Variants in ZHX2 observed in about 807,000 individuals in gnomAD.
ZHX2 encodes zinc fingers and homeoboxes 2.
A neutral mutation model predicts 21.9 loss-of-function variants in ZHX2; 6 were observed. That is an observed-to-expected ratio of 0.27 (90% confidence interval 0.15 to 0.54). The LOEUF (loss-of-function observed/expected upper bound fraction) is 0.54. ZHX2 is among the 20% of genes least tolerant of loss of function. The pLI is 0.95. For missense variants in ZHX2, 908 were observed against 1,090.7 expected (o/e 0.83, Z 2.36); for synonymous variants, 434 against 437.1 (o/e 0.99, Z 0.09).
intron 2 of ZHX2, among the ~76,000 whole-genome samples, chr8:122,944,505 C>T (rs1586410440): frequency 6.6e-6 from 1 of 152,276 alleles, no homozygotes; most frequent in Admixed American, 6.5e-5. Flanking sequence ...AACATCCACA[C>T]GTTCCACTGT....
intron 2 of ZHX2, among the ~76,000 whole-genome samples, chr8:122,927,520 A>C (rs189111435): frequency 3.8e-4 from 58 of 152,314 alleles, no homozygotes; most frequent in African/African-American, 1.3e-3. Context: ...AAAACTGGGT[A>C]ATTTATAAAG....
At chr8:122,791,476 C>T (rs1053045977) in intron 1 of ZHX2, among the ~76,000 whole-genome samples, 1 of 152,122 alleles carries the variant, frequency 6.6e-6, no homozygotes, top group African/African-American at 2.4e-5. Context: ...CCAAAGTCCC[C>T]CTAAAAATAA....
At chr8:122,971,516 G>A (rs1045973994) in intron 3 of ZHX2, among the ~76,000 whole-genome samples, 3 of 141,916 alleles carry the variant, frequency 2.1e-5, no homozygotes, top group Non-Finnish European at 3.0e-5. Flanking sequence ...ATGTGGGTGC[G>A]TTTAACATCC....
rs191425391 is a variant in ZHX2, at chr8:122,821,773, C to T, written c.-283+39827C>T. 4.9e-4 allele frequency among the ~76,000 whole-genome samples: 75 copies of T among 152,144 alleles called. 1 individual carries two copies. The highest frequency in any genetic ancestry group is 1.7e-3 in the African/African-American group (69 of 41,510). On this transcript the variant is annotated intron_variant, in intron 1 of 3. Coordinates refer to ENST00000314393, the MANE Select transcript of ZHX2 (RefSeq NM_014943.5). ...AGGCTGGAGTGCGGTGGCGCGATCT[C>T]GGCTCACTGCAACCTCCAACTCCTG...
rs565357300 is a variant in ZHX2, at chr8:122,879,354, A to G, written c.-220+15815A>G. 3.9e-3 allele frequency among the ~76,000 whole-genome samples: 598 copies of G among 152,060 alleles called. 6 individuals are homozygous for G. The highest frequency in any genetic ancestry group is 0.025 in the South Asian group (121 of 4,810). On this transcript the variant is annotated intron_variant, in intron 2 of 3. Transcript: ENST00000314393. ...CCCGAGTAGCTAGGATAACAGACACATGCCACCACGCCCAGCTAACTTTTG... is the reference window on the plus strand; with the variant it reads ...CCCGAGTAGCTAGGATAACAGACACGTGCCACCACGCCCAGCTAACTTTTG...
intron 1 of ZHX2, among the ~76,000 whole-genome samples, chr8:122,794,334 G>A (rs1817580854): frequency 6.6e-6 from 1 of 150,878 alleles, no homozygotes; most frequent in African/African-American, 2.4e-5. Context: ...TACATGTTGT[G>A]TCATCTGTCA....
intron 2 of ZHX2, among the ~76,000 whole-genome samples, chr8:122,930,866 G>A (rs970009338): frequency 3.3e-5 from 5 of 152,070 alleles, no homozygotes; most frequent in South Asian, 2.1e-4. Context: ...GGGACCGGCT[G>A]GCACACTGGC....
chr8:122,898,040 T>C (rs910918016), intron 2 of ZHX2, among the ~76,000 whole-genome samples: 2 of 152,350 alleles, frequency 1.3e-5, no homozygotes, highest in Admixed American at 6.5e-5. Flanking sequence ...CAAGGTATGC[T>C]GACTGATTTG....
At chr8:122,937,652 T>C (rs1313035935) in intron 2 of ZHX2, among the ~76,000 whole-genome samples, 1 of 151,976 alleles carries the variant, frequency 6.6e-6, no homozygotes, top group African/African-American at 2.4e-5. Context: ...CTGTCTCGGC[T>C]TACTGCAACC....
At position 122,953,994 on chromosome 8, in the gene ZHX2, C is replaced by T. The variant is rs745786550; in HGVS notation, c.2484C>T (p.Asp828=). The T allele has an allele frequency of 3.1e-6, 5 of 1,608,608 alleles. No homozygotes were observed. In the Admixed American group the frequency reaches 8.4e-5, roughly 27 times the overall value. ...GVSELAESDS[D]CVPAEAGQA The stretch of plus-strand genomic sequence containing the variant: ...CGGAACTGGCTGAATCAGACTCCGA[C>T]TGCGTCCCTGCAGAGGCTGGCCAGG... The change falls in exon 3 of 4, where the codon GAC becomes GAT. Residue 828 remains aspartate, a synonymous_variant. Coordinates refer to ENST00000314393, the MANE Select transcript of ZHX2 (RefSeq NM_014943.5). The surrounding 1 kb of genome is among the most constrained non-coding windows in gnomAD (Gnocchi z 4.6).
chr8:122,951,823 A>G lies in ZHX2; in HGVS notation c.313A>G (p.Ile105Val). The G allele has an allele frequency of 6.2e-7, 1 of 1,614,152 alleles. No individual in the cohort carries two copies. Among genetic ancestry groups the G allele is most frequent in the Non-Finnish European group, 8.5e-7 (1 of 1,180,030 alleles). The change falls in exon 3 of 4, where the codon ATT (isoleucine) becomes GTT (valine). Residue 105 changes from isoleucine (I) to valine (V), a missense_variant. Around this residue, in one of 4 missense-constraint regions of ZHX2, gnomAD observed 220 missense variants for 251.4 expected, o/e 0.88. Transcript: ENST00000314393. ...TGTCGACATGCAGCATCCCAACGTG[A>G]TTCTCAACCCCCTCTACGTGTGTGC... Reference protein sequence around the residue: ...EHVDMQHPNVILNPLYVCAEC... With the variant: ...EHVDMQHPNVVLNPLYVCAEC...
chr8:122,801,475 G>C (rs1200690633), intron 1 of ZHX2, among the ~76,000 whole-genome samples: 2 of 151,900 alleles, frequency 1.3e-5, no homozygotes, highest in Non-Finnish European at 2.9e-5. Flanking sequence ...GGCCCGACAC[G>C]GTGGCTTACA....
chr8:122,942,691 T>C (rs1406199355), intron 2 of ZHX2, among the ~76,000 whole-genome samples: 2 of 151,634 alleles, frequency 1.3e-5, no homozygotes, highest in East Asian at 3.9e-4. Context: ...AGCGGAGCCA[T>C]GTACCATCCT....
rs142685369 is a variant in ZHX2 at position 122,957,128 on chromosome 8, G to C, written c.*4+3100G>C. 9.9e-5 allele frequency among the ~76,000 whole-genome samples: 15 copies of C among 152,146 alleles called. No homozygotes were observed. In the East Asian group the frequency reaches 2.9e-3, roughly 29 times the overall value. ...GGGAGGTAGCTTCTCTATAAACCCA[G>C]AAACAGACTCAGAAACCAAAGAACT... On this transcript the variant is annotated intron_variant, in intron 3 of 3. Coordinates refer to ENST00000314393, the MANE Select transcript of ZHX2 (RefSeq NM_014943.5).
At chr8:122,938,411 G>A (rs911454507) in intron 2 of ZHX2, among the ~76,000 whole-genome samples, 1 of 152,132 alleles carries the variant, frequency 6.6e-6, no homozygotes, top group African/African-American at 2.4e-5. Flanking sequence ...TAGGAATGTT[G>A]GTTTGGTAGA....
intron 2 of ZHX2, among the ~76,000 whole-genome samples, chr8:122,867,612 C>T (rs1180933270): frequency 6.6e-6 from 1 of 152,090 alleles, no homozygotes; most frequent in Non-Finnish European, 1.5e-5. Flanking sequence ...GCTGTTTTTC[C>T]AGAGTTATAT....
chr8:122,832,758 C>T (rs552806726), intron 1 of ZHX2, among the ~76,000 whole-genome samples: 2 of 152,116 alleles, frequency 1.3e-5, no homozygotes, highest in South Asian at 4.2e-4. Flanking sequence ...GATATGCGGT[C>T]GGTTGTGAGC....
At chr8:122,889,612 A>G (rs181342177) in intron 2 of ZHX2, among the ~76,000 whole-genome samples, 1 of 152,326 alleles carries the variant, frequency 6.6e-6, no homozygotes. Context: ...TATATGCTCA[A>G]TATAAATCCC....
intron 2 of ZHX2, among the ~76,000 whole-genome samples, chr8:122,909,438 GAAAAA>G (rs111855596): frequency 1.6e-5 from 2 of 125,696 alleles, no homozygotes; most frequent in Non-Finnish European, 3.5e-5. Flanking sequence ...GTCTCAAAAA[GAAAAA>G]AAAAAAAAAG....
Sources: allele counts gnomAD v4.1 joint callset (sites outside exome capture counted in the v4.1 genomes callset), GRCh38; gene constraint gnomAD v4.1.1; regional missense constraint gnomAD v4.1.1; non-coding constraint Gnocchi (gnomAD v3.1); transcripts MANE v1.5; gene names NCBI Gene and HGNC (gene_info 2026-07-23, HGNC 2026-07-21).